Variants in REDIC1 observed in about 807,000 individuals in gnomAD.
REDIC1 encodes regulator of DNA class I crossover intermediates 1, also known as HEI10 Interacting Protein 1.
the REDIC1 span, chr12:39,716,749 T>C: frequency 6.3e-7 from 1 of 1,589,594 alleles, no homozygotes; most frequent in Non-Finnish European, 8.6e-7. Flanking sequence ...TAAACCTTTA[T>C]TTTCAGCTCT....
At chr12:39,725,670 C>T in the REDIC1 span, among the ~76,000 whole-genome samples, 4 of 151,846 alleles carry the variant, frequency 2.6e-5, no homozygotes, top group Non-Finnish European at 2.9e-5. Flanking sequence ...GTGTCATGCA[C>T]ATTTTAAAAT....
At chr12:39,803,216 A>C in the REDIC1 span, among the ~76,000 whole-genome samples, 96 of 152,088 alleles carry the variant, frequency 6.3e-4, no homozygotes, top group African/African-American at 2.2e-3. Context: ...AAAAAAAAAA[A>C]AAAAAACTTT....
At chr12:39,846,517 T>A in the REDIC1 span, among the ~76,000 whole-genome samples, 1 of 152,172 alleles carries the variant, frequency 6.6e-6, no homozygotes, top group South Asian at 2.1e-4. Flanking sequence ...AGTGGTGCAA[T>A]CTCAGGTTAC....
At chr12:39,761,612 G>A in the REDIC1 span, among the ~76,000 whole-genome samples, 14 of 84,560 alleles carry the variant, frequency 1.7e-4, no homozygotes, top group South Asian at 5.1e-4. Flanking sequence ...CTAGCTCTTG[G>A]AGAATGGGGG....
At chr12:39,661,654 T>C in the REDIC1 span, among the ~76,000 whole-genome samples, 10 of 152,120 alleles carry the variant, frequency 6.6e-5, no homozygotes, top group African/African-American at 2.4e-4. Flanking sequence ...GCTTTTTAGT[T>C]TAATATAGTC....
chr12:39,628,555 A>C, the REDIC1 span, among the ~76,000 whole-genome samples: 1 of 152,234 alleles, frequency 6.6e-6, no homozygotes, highest in Non-Finnish European at 1.5e-5. Flanking sequence ...CTTAAAATAT[A>C]GACAAGTGAA....
At chr12:39,798,544 C>T in the REDIC1 span, among the ~76,000 whole-genome samples, 347 of 152,298 alleles carry the variant, frequency 2.3e-3, 2 homozygotes, top group East Asian at 2.5e-3. Context: ...ATACTTATTA[C>T]GCATAAGAGC....
At chr12:39,760,366 T>C in the REDIC1 span, 1 of 848,836 alleles carries the variant, frequency 1.2e-6, no homozygotes, top group Non-Finnish European at 1.8e-6. Context: ...AATCACAGTA[T>C]GAAATGGACC....
At chr12:39,703,319 GA>G in the REDIC1 span, among the ~76,000 whole-genome samples, 4 of 150,312 alleles carry the variant, frequency 2.7e-5, no homozygotes, top group Non-Finnish European at 5.9e-5. Context: ...AATCATGAGT[GA>G]ACTCCCATTC....
the REDIC1 span, among the ~76,000 whole-genome samples, chr12:39,773,655 C>T: frequency 1.6e-4 from 24 of 152,326 alleles, no homozygotes; most frequent in South Asian, 5.0e-3. Flanking sequence ...TCCTACACAG[C>T]ACATGCTGTC....
chr12:39,725,671 A>T, the REDIC1 span, among the ~76,000 whole-genome samples: 1 of 151,934 alleles, frequency 6.6e-6, no homozygotes, highest in Non-Finnish European at 1.5e-5. Flanking sequence ...TGTCATGCAC[A>T]TTTTAAAATC....
chr12:39,660,510 A>C, the REDIC1 span, among the ~76,000 whole-genome samples: 3 of 151,780 alleles, frequency 2.0e-5, no homozygotes, highest in African/African-American at 7.3e-5. Flanking sequence ...CTTTTTTTTT[A>C]AATTTTTTAT....
chr12:39,708,638 CT>C, the REDIC1 span, among the ~76,000 whole-genome samples: 2 of 151,736 alleles, frequency 1.3e-5, no homozygotes, highest in African/African-American at 4.8e-5. Context: ...AAAAATACTT[CT>C]TTTCCCTAGG....
At chr12:39,825,779 T>G in the REDIC1 span, among the ~76,000 whole-genome samples, 1 of 152,156 alleles carries the variant, frequency 6.6e-6, no homozygotes, top group Non-Finnish European at 1.5e-5. Context: ...TTTTTGATCC[T>G]TCCGAGTATT....
At chr12:39,780,825 G>A in the REDIC1 span, among the ~76,000 whole-genome samples, 22 of 152,102 alleles carry the variant, frequency 1.4e-4, no homozygotes, top group African/African-American at 5.3e-4. Flanking sequence ...AGTCATGACA[G>A]TAAGGAACTA....
the REDIC1 span, among the ~76,000 whole-genome samples, chr12:39,673,875 A>T: frequency 6.6e-6 from 1 of 152,202 alleles, no homozygotes; most frequent in Non-Finnish European, 1.5e-5. Context: ...ATCCTTCACT[A>T]GACTATAACC....
At chr12:39,714,193 A>G in the REDIC1 span, among the ~76,000 whole-genome samples, 1,323 of 130,182 alleles carry the variant, frequency 0.01, 67 homozygotes, top group African/African-American at 0.033. Flanking sequence ...GCATATATGT[A>G]TATATGTATA....
chr12:39,684,145 T>C, the REDIC1 span: 1 of 1,008,122 alleles, frequency 9.9e-7, no homozygotes, highest in Non-Finnish European at 1.2e-6. Context: ...GTTCTGAGTT[T>C]AAGGTGATTT....
the REDIC1 span, among the ~76,000 whole-genome samples, chr12:39,644,154 A>G: frequency 6.6e-6 from 1 of 151,822 alleles, no homozygotes; most frequent in African/African-American, 2.4e-5. Context: ...AGGTGTCACT[A>G]AACTTATTAT....
Sources: gnomAD v4.1 joint callset for allele counts (sites outside exome capture counted in the v4.1 genomes callset) on GRCh38, gnomAD v4.1.1 for gene constraint, MANE v1.5 for transcripts, NCBI Gene and HGNC (gene_info 2026-07-23, HGNC 2026-07-21) for gene names.